REEP3: variants seen among roughly 807,000 people sequenced by gnomAD.
REEP3 encodes receptor accessory protein 3.
Under a neutral mutation model 41.3 loss-of-function variants are expected in REEP3, and 20 were observed. The ratio of observed to expected loss-of-function variants is 0.48; its 90% CI spans 0.34 to 0.70. The LOEUF (loss-of-function observed/expected upper bound fraction) is 0.70. Ranked by LOEUF, REEP3 falls within the 30% of genes least tolerant of loss-of-function variation. The pLI is 0.01. For missense variants in REEP3, 271 were observed against 308.8 expected (o/e 0.88, Z 0.92); for synonymous variants, 104 against 101.8 (o/e 1.02, Z -0.13).
At chr10:63,551,683 A>G (rs530857015) in intron 1 of REEP3, among the ~76,000 whole-genome samples, 5 of 152,276 alleles carry the variant, frequency 3.3e-5, no homozygotes, top group Non-Finnish European at 7.4e-5. Context: ...CCTCAAAACT[A>G]TCAAGGCTAT....
At chr10:63,563,949 A>G (rs1955770745) in intron 1 of REEP3, among the ~76,000 whole-genome samples, 1 of 152,224 alleles carries the variant, frequency 6.6e-6, no homozygotes, top group South Asian at 2.1e-4. Context: ...TGTCAAGGTG[A>G]TAAAAAACAA....
intron 5 of REEP3, among the ~76,000 whole-genome samples, chr10:63,606,709 A>G (rs1285751763): frequency 2.0e-5 from 3 of 152,220 alleles, no homozygotes; most frequent in Non-Finnish European, 4.4e-5. Context: ...AAAAATAGAC[A>G]TTTTTATTTT....
chr10:63,556,493 G>A (rs2133366013), intron 1 of REEP3, among the ~76,000 whole-genome samples: 1 of 151,046 alleles, frequency 6.6e-6, no homozygotes, highest in South Asian at 2.1e-4. Flanking sequence ...CAGAATTTGA[G>A]TGAACTATTA....
intron 1 of REEP3, among the ~76,000 whole-genome samples, chr10:63,523,020 C>CAAAAA (rs35537600): frequency 8.5e-6 from 1 of 117,958 alleles, no homozygotes; most frequent in African/African-American, 3.4e-5. Context: ...CTGTACTTTA[C>CAAAAA]AAAAAAAAAA....
In REEP3 at chr10:63,599,449, A is replaced by G. The variant is rs1956151518; in HGVS notation, c.417+166A>G. The G allele has an allele frequency of 2.8e-5, 12 of 434,994 alleles. No individual in the cohort carries two copies. The South Asian group carries it at 5.2e-4, about 19-fold the overall frequency. 26.9% of individuals were successfully genotyped at this position (434,994 alleles called of 1,614,324 possible). On this transcript the variant is annotated intron_variant, in intron 5 of 7. Coordinates refer to ENST00000373758, the MANE Select transcript of REEP3 (RefSeq NM_001001330.3). ...AAGATATTTTAATTTTGTGTTTTCCATACTTGATATTTTGAATCTCTTAAT... is the reference window on the plus strand; with the variant it reads ...AAGATATTTTAATTTTGTGTTTTCCGTACTTGATATTTTGAATCTCTTAAT...
At chr10:63,597,084 C>A (rs758532092) in intron 3 of REEP3, among the ~76,000 whole-genome samples, 3 of 152,102 alleles carry the variant, frequency 2.0e-5, no homozygotes, top group African/African-American at 4.8e-5. Flanking sequence ...GTATCATGTT[C>A]TTTTCTGCTG....
In REEP3 at chr10:63,622,560, T is replaced by C. The variant is rs1008982228; in HGVS notation, c.*1691T>C. The C allele has an allele frequency of 2.0e-5, 3 of 152,146 alleles. No individual in the cohort carries two copies. The highest frequency in any genetic ancestry group is 7.2e-5 in the African/African-American group (3 of 41,426). 9.4% of individuals were successfully genotyped at this position (152,146 alleles called of 1,614,324 possible). On this transcript the variant is annotated 3_prime_UTR_variant, in exon 8 of 8. Coordinates refer to ENST00000373758, the MANE Select transcript of REEP3 (RefSeq NM_001001330.3). Reference sequence around the variant, plus strand: ...GTAAATTATCGGAACAGAGTTTTATTTATATGACCTGGTACTAGACTTCTT... The same window carrying C: ...GTAAATTATCGGAACAGAGTTTTATCTATATGACCTGGTACTAGACTTCTT...
intron 1 of REEP3, among the ~76,000 whole-genome samples, chr10:63,551,364 A>G (rs1050408368): frequency 6.6e-5 from 10 of 152,218 alleles, no homozygotes; most frequent in African/African-American, 2.4e-4. Context: ...ATATAAATAA[A>G]TGAATACAGG....
intron 1 of REEP3, among the ~76,000 whole-genome samples, chr10:63,541,252 C>T (rs934977291): frequency 6.6e-6 from 1 of 152,106 alleles, no homozygotes; most frequent in Admixed American, 6.5e-5. Flanking sequence ...AAGTGCTGGC[C>T]GTAGAATGGC....
intron 1 of REEP3, among the ~76,000 whole-genome samples, chr10:63,539,223 C>A (rs1169002162): frequency 6.6e-6 from 1 of 152,052 alleles, no homozygotes; most frequent in African/African-American, 2.4e-5. Flanking sequence ...TCTTTTACTC[C>A]TAACCAGATT....
intron 1 of REEP3, among the ~76,000 whole-genome samples, chr10:63,557,472 G>A (rs1955700124): frequency 6.6e-6 from 1 of 152,092 alleles, no homozygotes; most frequent in African/African-American, 2.4e-5. Context: ...AAATGCCACT[G>A]TTTCAAAATG....
chr10:63,620,786 T>G, intron 7 of REEP3, 27 bp from the exon 8 acceptor site: 1 of 1,496,988 alleles, frequency 6.7e-7, no homozygotes, highest in Non-Finnish European at 9.2e-7. Context: ...CATCTAATTC[T>G]TAATAATAAA....
chr10:63,564,793 G>A (rs1368758154), intron 1 of REEP3, among the ~76,000 whole-genome samples: 2 of 152,054 alleles, frequency 1.3e-5, no homozygotes, highest in Non-Finnish European at 2.9e-5. Flanking sequence ...AAAAATGTGT[G>A]TACCCCTTGA....
At chr10:63,534,254 T>G (rs942383036) in intron 1 of REEP3, among the ~76,000 whole-genome samples, 2 of 152,066 alleles carry the variant, frequency 1.3e-5, no homozygotes, top group African/African-American at 4.8e-5. Flanking sequence ...TTTTTTATTT[T>G]TTTTTTGTTT....
chr10:63,553,530 G>A (rs1955649331), intron 1 of REEP3, among the ~76,000 whole-genome samples: 1 of 152,088 alleles, frequency 6.6e-6, no homozygotes, highest in African/African-American at 2.4e-5. Flanking sequence ...TTGGTGAAGT[G>A]CCTGTAGGTG....
At chr10:63,584,476 A>ACTTTGGAT (rs1305789393) in intron 2 of REEP3, among the ~76,000 whole-genome samples, 1 of 150,918 alleles carries the variant, frequency 6.6e-6, no homozygotes, top group East Asian at 1.9e-4. Context: ...GTCTCTAGTC[A>ACTTTGGAT]CTTTGGATTT....
intron 1 of REEP3, among the ~76,000 whole-genome samples, chr10:63,525,885 G>A (rs1229052019): frequency 6.6e-6 from 1 of 152,048 alleles, no homozygotes; most frequent in African/African-American, 2.4e-5. Context: ...CAAGATAAAA[G>A]CCAGATTGCC....
intron 2 of REEP3, among the ~76,000 whole-genome samples, chr10:63,593,709 T>C (rs1482498925): frequency 6.6e-6 from 1 of 152,128 alleles, no homozygotes; most frequent in African/African-American, 2.4e-5. Context: ...GAGAATTAAC[T>C]CAGAAAACAT....
chr10:63,610,273 A>T lies in REEP3; in HGVS notation c.504A>T (p.Arg168Ser). The change falls in exon 6 of 8, where the codon AGA becomes AGT. Residue 168 changes from arginine to serine, a missense_variant. Coordinates refer to ENST00000373758, the MANE Select transcript of REEP3 (RefSeq NM_001001330.3). ...AAGGTGATGAGCCTGTGGGACAAAG[A>T]CCATACCAACCTCTACCAGAAGCAA... ...TIQGDEPVGQRPYQPLPEAKK... is the reference protein window; with the variant it reads ...TIQGDEPVGQSPYQPLPEAKK... The T allele has an allele frequency of 1.3e-6, 2 of 1,588,036 alleles. No individual in the cohort carries two copies. Among genetic ancestry groups the T allele is most frequent in the Non-Finnish European group, 8.6e-7 (1 of 1,165,536 alleles).
Sources: allele counts gnomAD v4.1 joint callset (sites outside exome capture counted in the v4.1 genomes callset), GRCh38; gene constraint gnomAD v4.1.1; transcripts MANE v1.5; gene names NCBI Gene and HGNC (gene_info 2026-07-23, HGNC 2026-07-21).